CSMD1: variants seen among roughly 807,000 people sequenced by gnomAD.
The protein encoded by CSMD1 is CUB and sushi domain-containing protein 1.
CSMD1 carries 213 observed loss-of-function variants against 417.5 expected under a neutral mutation model. The ratio of observed to expected loss-of-function variants is 0.51; its 90% confidence interval spans 0.46 to 0.57. The LOEUF is 0.57. Ranked by LOEUF, CSMD1 falls within the 20% of genes least tolerant of loss-of-function variation. The probability of loss-of-function intolerance (pLI) is 0.00; values close to 1 mark genes in which losing one functional copy is unlikely to be tolerated. For missense variants in CSMD1, 6,923 were observed against 4,529.7 expected (o/e 1.53, Z -15.17); for synonymous variants, 2,862 against 1,736.8 (o/e 1.65, Z -16.11).
At chr8:3,873,957 T>G (rs73493818) in intron 5 of CSMD1, among the ~76,000 whole-genome samples, 5,293 of 152,214 alleles carry the variant, frequency 0.035, 299 homozygotes, top group African/African-American at 0.12. Context: ...AACAGTGCAG[T>G]CTTGAGGGCT....
At chr8:3,473,074 C>T (rs185596582) in intron 11 of CSMD1, among the ~76,000 whole-genome samples, 42 of 152,190 alleles carry the variant, frequency 2.8e-4, no homozygotes, top group African/African-American at 8.7e-4. Flanking sequence ...TTACTAAAAA[C>T]GTAATTGTCA....
intron 3 of CSMD1, among the ~76,000 whole-genome samples, chr8:4,218,727 G>C (rs1459119777): frequency 3.3e-5 from 5 of 152,132 alleles, no homozygotes; most frequent in African/African-American, 1.2e-4. Context: ...GATGGTGACT[G>C]GTTTCAATAC....
chr8:3,705,395 C>A (rs937500441), intron 7 of CSMD1, among the ~76,000 whole-genome samples: 1 of 152,194 alleles, frequency 6.6e-6, no homozygotes, highest in Non-Finnish European at 1.5e-5. Flanking sequence ...ACAGGAGCTG[C>A]TAGCAGTGTC....
intron 2 of CSMD1, among the ~76,000 whole-genome samples, chr8:4,462,059 G>A (rs929463544): frequency 2.6e-5 from 4 of 151,622 alleles, no homozygotes; most frequent in South Asian, 2.1e-4. Context: ...ATTTTTTATA[G>A]GGATGAAGTC....
chr8:3,728,709 T>C (rs1463936841), intron 6 of CSMD1, among the ~76,000 whole-genome samples: 1 of 152,090 alleles, frequency 6.6e-6, no homozygotes, highest in South Asian at 2.1e-4. Flanking sequence ...TTGCAAATGA[T>C]GCAAGTTAAA....
chr8:4,643,277 C>G (rs772957498), intron 1 of CSMD1, among the ~76,000 whole-genome samples: 5 of 152,172 alleles, frequency 3.3e-5, no homozygotes, highest in Admixed American at 6.5e-5. Flanking sequence ...CAGTGTCGAT[C>G]CTTTTACTAC....
intron 2 of CSMD1, among the ~76,000 whole-genome samples, chr8:4,462,808 C>G (rs75173334): frequency 0.044 from 6,669 of 151,530 alleles, 366 homozygotes; most frequent in African/African-American, 0.13. Context: ...TTACACTATC[C>G]ACAAAAAAAT....
chr8:4,156,407 T>G (rs1380619315), intron 3 of CSMD1, among the ~76,000 whole-genome samples: 2 of 152,192 alleles, frequency 1.3e-5, no homozygotes, highest in Non-Finnish European at 2.9e-5. Flanking sequence ...AATTTCTCAA[T>G]GAGTCTCTGT....
At chr8:4,926,718 A>G (rs1207811628) in intron 1 of CSMD1, among the ~76,000 whole-genome samples, 2 of 152,190 alleles carry the variant, frequency 1.3e-5, no homozygotes, top group Non-Finnish European at 2.9e-5. Flanking sequence ...CAAACTTTAC[A>G]GGACTTTACA....
At chr8:4,839,170 T>TC (rs1205591424) in intron 1 of CSMD1, among the ~76,000 whole-genome samples, 1 of 152,142 alleles carries the variant, frequency 6.6e-6, no homozygotes, top group Non-Finnish European at 1.5e-5. Context: ...TTCTTTCCCT[T>TC]CATCAGGTTC....
At chr8:3,787,207 C>A (rs550827424) in intron 5 of CSMD1, among the ~76,000 whole-genome samples, 1 of 151,940 alleles carries the variant, frequency 6.6e-6, no homozygotes, top group African/African-American at 2.4e-5. Context: ...ATTTTGTATT[C>A]CTATGCTGAG....
At chr8:3,746,205 T>A (rs1022873907) in intron 6 of CSMD1, among the ~76,000 whole-genome samples, 2 of 152,244 alleles carry the variant, frequency 1.3e-5, no homozygotes, top group Admixed American at 6.5e-5. Context: ...AGGACTGATA[T>A]GCTGAAAGCC....
At chr8:4,076,553 A>G (rs1201312540) in intron 3 of CSMD1, among the ~76,000 whole-genome samples, 1 of 152,242 alleles carries the variant, frequency 6.6e-6, no homozygotes, top group East Asian at 1.9e-4. Flanking sequence ...AAACACAAAT[A>G]GCTAAAAGAA....
chr8:3,423,928 C>G (rs557806914), intron 12 of CSMD1, among the ~76,000 whole-genome samples: 2 of 152,260 alleles, frequency 1.3e-5, no homozygotes, highest in East Asian at 3.9e-4. Flanking sequence ...ACACACACCT[C>G]AATTATTTAA....
chr8:4,476,856 G>C (rs747336342), intron 2 of CSMD1, among the ~76,000 whole-genome samples: 2 of 152,288 alleles, frequency 1.3e-5, no homozygotes, highest in East Asian at 3.9e-4. Flanking sequence ...AAAAGCTTCA[G>C]TCAAAACATA....
At chr8:4,480,207 A>G (rs1480468328) in intron 2 of CSMD1, among the ~76,000 whole-genome samples, 6 of 151,842 alleles carry the variant, frequency 4.0e-5, no homozygotes, top group Non-Finnish European at 7.4e-5. Context: ...AAAACAAAAA[A>G]AAACCGAGAA....
chr8:4,650,073 T>C (rs1008280030), intron 1 of CSMD1, among the ~76,000 whole-genome samples: 2 of 152,178 alleles, frequency 1.3e-5, no homozygotes, highest in South Asian at 2.1e-4. Flanking sequence ...AGACACCAAA[T>C]AGTCATAAAA....
At chr8:4,950,061 T>C (rs1287801055) in intron 1 of CSMD1, among the ~76,000 whole-genome samples, 3 of 151,994 alleles carry the variant, frequency 2.0e-5, no homozygotes, top group Non-Finnish European at 4.4e-5. Context: ...AACCTAGAAA[T>C]AATACCTAGA....
chr8:4,400,632 A>G (rs182692400), intron 3 of CSMD1, among the ~76,000 whole-genome samples: 79 of 152,334 alleles, frequency 5.2e-4, no homozygotes, highest in African/African-American at 1.6e-3. Context: ...CTGACCTGCA[A>G]TCTTGAAGTC....
Sources: gnomAD v4.1 joint callset for allele counts (sites outside exome capture counted in the v4.1 genomes callset) on GRCh38, gnomAD v4.1.1 for gene constraint, MANE v1.5 for transcripts, NCBI Gene and HGNC (gene_info 2026-07-23, HGNC 2026-07-21) for gene names.